Variants in WDFY2 observed in about 807,000 individuals in gnomAD.
WDFY2 encodes WD repeat and FYVE domain containing 2.
Under a neutral mutation model 56.4 loss-of-function variants are expected in WDFY2, and 36 were observed. That is an observed-to-expected ratio of 0.64 (90% CI 0.49 to 0.84). The LOEUF is 0.84. Ranked by LOEUF, WDFY2 falls within the 40% of genes least tolerant of loss-of-function variation. The pLI is 0.00. For missense variants in WDFY2, 444 were observed against 512.2 expected (o/e 0.87, Z 1.29); for synonymous variants, 176 against 183.7 (o/e 0.96, Z 0.34).
intron 1 of WDFY2, among the ~76,000 whole-genome samples, chr13:51,646,461 G>C (rs377057681): frequency 1.3e-5 from 2 of 152,136 alleles, no homozygotes; most frequent in African/African-American, 2.4e-5. Flanking sequence ...TCACAGCATG[G>C]GCATCTCCAT....
chr13:51,718,559 TAC>T (rs71192015), intron 4 of WDFY2, among the ~76,000 whole-genome samples: 18,451 of 138,508 alleles, frequency 0.13, 1,091 homozygotes, highest in South Asian at 0.17. Flanking sequence ...TTATCATTCA[TAC>T]ACACACACAC....
chr13:51,715,883 G>A (rs1429102812), intron 4 of WDFY2, among the ~76,000 whole-genome samples: 3 of 152,082 alleles, frequency 2.0e-5, no homozygotes, highest in Non-Finnish European at 2.9e-5. Flanking sequence ...ACTGACTGAA[G>A]CATCGTTATG....
chr13:51,628,078 G>A (rs943983558), intron 1 of WDFY2, among the ~76,000 whole-genome samples: 33 of 152,212 alleles, frequency 2.2e-4, no homozygotes, highest in Non-Finnish European at 4.4e-4. Context: ...TGTCTTGAAG[G>A]TGGGGTTTCA....
chr13:51,687,045 T>TTATA (rs749503242), intron 3 of WDFY2, among the ~76,000 whole-genome samples: 1 of 148,936 alleles, frequency 6.7e-6, no homozygotes, highest in Non-Finnish European at 1.5e-5. Context: ...TCACACTTAT[T>TTATA]TATATATATA....
intron 1 of WDFY2, among the ~76,000 whole-genome samples, chr13:51,612,798 C>A (rs1198186878): frequency 6.6e-6 from 1 of 152,160 alleles, no homozygotes; most frequent in Non-Finnish European, 1.5e-5. Context: ...TCTATTCTTT[C>A]TCCACCTTCC....
intron 2 of WDFY2, among the ~76,000 whole-genome samples, chr13:51,672,935 C>T (rs1306363765): frequency 2.6e-5 from 4 of 152,096 alleles, no homozygotes; most frequent in South Asian, 4.1e-4. Context: ...ATTATAGGAA[C>T]GGTTCTTTAC....
At chr13:51,704,069 C>G (rs1351486702) in intron 4 of WDFY2, among the ~76,000 whole-genome samples, 1 of 152,194 alleles carries the variant, frequency 6.6e-6, no homozygotes, top group Admixed American at 6.5e-5. Flanking sequence ...TCAACATTGA[C>G]AGGCCATCTG....
chr13:51,638,419 T>C (rs989270231), intron 1 of WDFY2, among the ~76,000 whole-genome samples: 4 of 152,190 alleles, frequency 2.6e-5, no homozygotes, highest in Non-Finnish European at 5.9e-5. Context: ...ATGGAAGAGA[T>C]AACTTTATTC....
At chr13:51,700,995 A>G (rs773780388) in intron 3 of WDFY2, among the ~76,000 whole-genome samples, 3 of 152,194 alleles carry the variant, frequency 2.0e-5, no homozygotes, top group Non-Finnish European at 4.4e-5. Flanking sequence ...ACTACATCCT[A>G]TACAGTCATC....
chr13:51,584,463 T>G lies in WDFY2; in HGVS notation c.-225T>G. On this transcript the variant is annotated 5_prime_UTR_variant, in exon 1 of 12. Coordinates refer to ENST00000298125, the MANE Select transcript of WDFY2 (RefSeq NM_052950.4). ...CCCGGCGCTCCGCCCCCTCCTCTTG[T>G]AGTGGCGCCGGCTTGCATCCCAGGT... is the stretch of plus-strand genomic sequence containing the variant. The G allele has an allele frequency of 1.3e-5, 7 of 541,120 alleles. No individual in the cohort carries two copies. The highest frequency in any genetic ancestry group is 3.5e-5 in the Admixed American group (1 of 28,968). The allele number at this position is 541,120 out of a possible 1,614,324, so 33.5% of individuals were successfully genotyped here.
chr13:51,703,466 G>T lies in WDFY2; in HGVS notation c.280-130G>T. On this transcript the variant is annotated intron_variant, in intron 3 of 11. Transcript: ENST00000298125. Reference sequence around the variant, plus strand: ...TTTTAAAAGGGTACAAAAATTCTGAGTTGATGGGCAAAATACTAATGTTGG... The same window carrying T: ...TTTTAAAAGGGTACAAAAATTCTGATTTGATGGGCAAAATACTAATGTTGG... 4.6e-6 allele frequency: 3 copies of T among 659,316 alleles called. No individual in the cohort carries two copies. In the Admixed American group the frequency reaches 9.5e-5, roughly 21 times the overall value. 40.8% of individuals were successfully genotyped at this position (659,316 alleles called of 1,614,324 possible). A position where few individuals can be genotyped will look rare whatever the true frequency, so the allele number is the denominator to read the frequency against.
chr13:51,743,686 C>G (rs927972646), intron 7 of WDFY2, among the ~76,000 whole-genome samples: 6 of 152,026 alleles, frequency 3.9e-5, no homozygotes, highest in African/African-American at 1.5e-4. Context: ...ACTCAGGACA[C>G]AAAAGTGAGT....
chr13:51,711,960 A>G (rs1952228604), intron 4 of WDFY2, among the ~76,000 whole-genome samples: 1 of 152,242 alleles, frequency 6.6e-6, no homozygotes, highest in African/African-American at 2.4e-5. Context: ...AAAGGTTTAT[A>G]AATCATCCTG....
chr13:51,687,736 A>G (rs988671297), intron 3 of WDFY2, among the ~76,000 whole-genome samples: 5 of 152,164 alleles, frequency 3.3e-5, no homozygotes, highest in Non-Finnish European at 5.9e-5. Context: ...CCAGAACTCC[A>G]TTCCTTAAAA....
intron 1 of WDFY2, among the ~76,000 whole-genome samples, chr13:51,624,362 C>A (rs1396637781): frequency 6.6e-6 from 1 of 152,156 alleles, no homozygotes; most frequent in African/African-American, 2.4e-5. Context: ...TTTCCTGTTC[C>A]ATTCATTGCT....
intron 2 of WDFY2, among the ~76,000 whole-genome samples, chr13:51,662,595 G>T (rs1004262947): frequency 2.0e-5 from 3 of 152,180 alleles, no homozygotes; most frequent in African/African-American, 7.2e-5. Flanking sequence ...ATCCTGTAAT[G>T]CTGTCTTTAT....
intron 7 of WDFY2, among the ~76,000 whole-genome samples, chr13:51,747,206 G>A (rs551616111): frequency 2.0e-4 from 30 of 152,368 alleles, no homozygotes; most frequent in African/African-American, 2.2e-4. Context: ...ATTTTGTAAC[G>A]TAAGGGTTAA....
intron 1 of WDFY2, among the ~76,000 whole-genome samples, chr13:51,655,763 C>T (rs76787249): frequency 0.051 from 7,755 of 152,112 alleles, 244 homozygotes; most frequent in Middle Eastern, 0.085. Flanking sequence ...GTTTGATTGA[C>T]TTTGCCAGTG....
Position 51,606,405 on chromosome 13 carries a change from C to CT in WDFY2, c.137+21588dup, listed in dbSNP as rs551030840. Among the ~76,000 whole-genome samples, 116 of 152,104 alleles carry CT rather than the reference C, an allele frequency of 7.6e-4. 1 individual carries two copies. Among genetic ancestry groups the CT allele is most frequent in the Non-Finnish European group, 1.3e-3 (90 of 67,976 alleles). On this transcript the variant is annotated intron_variant, in intron 1 of 11. Coordinates refer to ENST00000298125, the MANE Select transcript of WDFY2 (RefSeq NM_052950.4). Reference sequence around the variant, plus strand: ...ATTACCTATGCTGTTATTTCTATTGCTTTTTTTATCTAAAGTGATATATCC... The same window carrying CT: ...ATTACCTATGCTGTTATTTCTATTGCTTTTTTTTATCTAAAGTGATATATCC...
Sources: allele counts gnomAD v4.1 joint callset (sites outside exome capture counted in the v4.1 genomes callset), GRCh38; gene constraint gnomAD v4.1.1; transcripts MANE v1.5; gene names NCBI Gene and HGNC (gene_info 2026-07-23, HGNC 2026-07-21).